HFE: variants seen among roughly 807,000 people sequenced by gnomAD.
The protein encoded by HFE is homeostatic iron regulator, also known as hereditary hemochromatosis protein.
In HFE, 36 loss-of-function variants were observed where a neutral mutation model predicts 40.9. The ratio of observed to expected loss-of-function variants is 0.88; its 90% confidence interval spans 0.67 to 1.16. The LOEUF (loss-of-function observed/expected upper bound fraction) is 1.16, where lower values mean the gene tolerates loss of function less well. Ranked by LOEUF, HFE falls within the 50% of genes most tolerant of loss-of-function variation. HFE has a pLI of 0.00. For synonymous variants in HFE, 157 were observed against 165.4 expected (o/e 0.95, Z 0.39); for missense variants, 376 against 432.0 (o/e 0.87, Z 1.15).
At position 26,093,102 on chromosome 6, in the gene HFE, T is replaced by A; in HGVS notation, c.893-17T>A. The A allele has an allele frequency of 3.7e-6, 6 of 1,613,726 alleles. No individual in the cohort carries two copies. Among genetic ancestry groups the A allele is most frequent in the Non-Finnish European group, 5.1e-6 (6 of 1,179,616 alleles). ...AGGGTGGCAATCAAAGGCTTTAACTTGCTTTTTCTGTTTTAGAGCCCTCAC... is the reference window on the plus strand; with the variant it reads ...AGGGTGGCAATCAAAGGCTTTAACTAGCTTTTTCTGTTTTAGAGCCCTCAC... On this transcript the variant is annotated splice_polypyrimidine_tract_variant and intron_variant, in intron 4 of 5. Coordinates refer to ENST00000357618, the MANE Select transcript of HFE (RefSeq NM_000410.4).
rs928724233 is a variant in HFE, at chr6:26,097,209, C to G, written c.*2983C>G. On this transcript the variant is annotated 3_prime_UTR_variant, in exon 6 of 6. Transcript: ENST00000357618. ...TTTTATTTCACCTGGGCTGAGATTT[C>G]AAGAAACACCCCAGTCTTCACAGTA... 1 of 152,224 alleles carries G rather than the reference C, an allele frequency of 6.6e-6. No individual in the cohort carries two copies. Among genetic ancestry groups the G allele is most frequent in the African/African-American group, 2.4e-5 (1 of 41,438 alleles). 9.4% of individuals were successfully genotyped at this position (152,224 alleles called of 1,614,324 possible).
chr6:26,094,808 C>T lies in HFE; in HGVS notation c.*582C>T, dbSNP rs969144106. The T allele has an allele frequency of 2.6e-5, 6 of 231,808 alleles. No individual in the cohort carries two copies. Among genetic ancestry groups the T allele is most frequent in the East Asian group, 1.0e-4 (1 of 10,010 alleles). 14.4% of individuals were successfully genotyped at this position (231,808 alleles called of 1,614,324 possible). On this transcript the variant is annotated 3_prime_UTR_variant, in exon 6 of 6. Transcript: ENST00000357618. ...ACAGCTATGAAGGCTGTACACTGCA[C>T]GAATGGAAGAGGCACCTGTCCCAGA...
chr6:26,088,552 G>C lies in HFE; in HGVS notation c.76+1036G>C, dbSNP rs540529585. Among the ~76,000 whole-genome samples, 5 of 152,306 alleles carry C rather than the reference G, an allele frequency of 3.3e-5. No homozygotes were observed. In the East Asian group the frequency reaches 7.7e-4, roughly 24 times the overall value. On this transcript the variant is annotated intron_variant, in intron 1 of 5. Coordinates refer to ENST00000357618, the MANE Select transcript of HFE (RefSeq NM_000410.4). ...ACAGTGTTCTGTGGGTCACACGCCG[G>C]CCTCAGCACAGCACTTTGAGTTTTG...
intron 1 of HFE, among the ~76,000 whole-genome samples, chr6:26,089,108 T>G (rs807207): frequency 0.022 from 1,208 of 56,110 alleles, 20 homozygotes; most frequent in African/African-American, 0.051. Flanking sequence ...TGTGTGTGTG[T>G]GGGGGGGGGG....
In HFE at chr6:26,091,572, G is replaced by T; in HGVS notation, c.599G>T (p.Gly200Val). 1 of 1,613,226 alleles carries T rather than the reference G, an allele frequency of 6.2e-7. No homozygotes were observed. The highest frequency in any genetic ancestry group is 8.5e-7 in the Non-Finnish European group (1 of 1,179,876). The change falls in exon 3 of 6, where the codon GGT becomes GTT. Residue 200 changes from glycine (G) to valine (V), a missense_variant. By Grantham distance (109) the Gly-to-Val change is moderately radical. This residue lies in a region of HFE where 173 missense variants were observed against 186.9 expected (regional missense o/e 0.93). Coordinates refer to ENST00000357618, the MANE Select transcript of HFE (RefSeq NM_000410.4). ...CAGCAGTTGCTGGAGCTGGGGAGAG[G>T]TGTTTTGGACCAACAAGGTATGGTG... ...QLQQLLELGR[G>V]VLDQQVPPLV... is the part of the protein sequence containing the mutation.
At position 26,090,941 on chromosome 6, in the gene HFE, G is replaced by T; in HGVS notation, c.177G>T (p.Val59=). 2 of 1,614,166 alleles carry T rather than the reference G, an allele frequency of 1.2e-6. No homozygotes were observed. Among genetic ancestry groups the T allele is most frequent in the Non-Finnish European group, 1.7e-6 (2 of 1,180,030 alleles). Residue 59 remains valine (V), a synonymous_variant, in exon 2 of 6, where the codon GTG becomes GTT. Coordinates refer to ENST00000357618, the MANE Select transcript of HFE (RefSeq NM_000410.4). ...GCTACGTGGATGACCAGCTGTTCGT[G>T]TTCTATGATCATGAGAGTCGCCGTG... ...ALGYVDDQLF[V]FYDHESRRVE...
chr6:26,093,018 C>T, intron 4 of HFE, 58 bp downstream of exon 4: 2 of 1,613,908 alleles, frequency 1.2e-6, no homozygotes, highest in Non-Finnish European at 1.7e-6. Context: ...GAGAGGAGTG[C>T]CTGAGGAGGT....
Position 26,090,883 on chromosome 6 carries a change from A to C in HFE, c.119A>C (p.Gln40Pro). ...TACCTCTTCATGGGTGCCTCAGAGC[A>C]GGACCTTGGTCTTTCCTTGTTTGAA... ...LHYLFMGASE[Q>P]DLGLSLFEAL... The change falls in exon 2 of 6, where the codon CAG becomes CCG. Residue 40 changes from glutamine to proline, a missense_variant. By Grantham distance (76) the Gln-to-Pro change is moderately conservative (BLOSUM62 -1). Around this residue, in one of 3 missense-constraint regions of HFE, gnomAD observed 200 missense variants for 228.5 expected, o/e 0.88. Coordinates refer to ENST00000357618, the MANE Select transcript of HFE (RefSeq NM_000410.4). 6.2e-7 allele frequency: 1 copy of C among 1,614,172 alleles called. No homozygotes were observed. The highest frequency in any genetic ancestry group is 8.5e-7 in the Non-Finnish European group (1 of 1,180,014).
intron 1 of HFE, among the ~76,000 whole-genome samples, chr6:26,088,747 T>C (rs1206231714): frequency 6.6e-6 from 1 of 152,182 alleles, no homozygotes; most frequent in Non-Finnish European, 1.5e-5. Flanking sequence ...ATAATAAAAT[T>C]TCATGTTGAG....
Position 26,095,642 on chromosome 6 carries a change from C to A in HFE, c.*1416C>A, listed in dbSNP as rs1388174135. 1 of 152,132 alleles carries A rather than the reference C, an allele frequency of 6.6e-6. No individual in the cohort carries two copies. Among genetic ancestry groups the A allele is most frequent in the African/African-American group, 2.4e-5 (1 of 41,400 alleles). The allele number at this position is 152,132 out of a possible 1,614,324, so 9.4% of individuals were successfully genotyped here. ...ACCACTACATTCAGTAGTTTAGATGCCTAGAATAAATAGAGAAGGAAGGAG... is the reference window on the plus strand; with the variant it reads ...ACCACTACATTCAGTAGTTTAGATGACTAGAATAAATAGAGAAGGAAGGAG... On this transcript the variant is annotated 3_prime_UTR_variant, in exon 6 of 6. Coordinates refer to ENST00000357618, the MANE Select transcript of HFE (RefSeq NM_000410.4).
intron 5 of HFE, among the ~76,000 whole-genome samples, chr6:26,093,921 C>T (rs1301792787): frequency 2.6e-5 from 4 of 152,114 alleles, no homozygotes; most frequent in African/African-American, 9.7e-5. Context: ...GGGTTATGAT[C>T]ACTGGGGTGT....
rs551331486 is a variant in HFE at position 26,098,207 on chromosome 6, T to C, written c.*3981T>C. On this transcript the variant is annotated 3_prime_UTR_variant, in exon 6 of 6. Transcript: ENST00000357618. ...ATTACTTGATATGCATGCATTCTGG[T>C]ATCTCAAGCATTCTATTTCTGAGTA... The C allele has an allele frequency of 1.7e-4, 26 of 152,240 alleles. No homozygotes were observed. The highest frequency in any genetic ancestry group is 3.5e-4 in the Non-Finnish European group (24 of 68,044). 9.4% of individuals were successfully genotyped at this position (152,240 alleles called of 1,614,324 possible).
intron 1 of HFE, among the ~76,000 whole-genome samples, chr6:26,088,126 T>C (rs1235676981): frequency 6.6e-6 from 1 of 152,196 alleles, no homozygotes; most frequent in Non-Finnish European, 1.5e-5. Context: ...GAGGCCTACC[T>C]CGGGCCTTTC....
chr6:26,096,066 T>G lies in HFE; in HGVS notation c.*1840T>G, dbSNP rs2113774109. On this transcript the variant is annotated 3_prime_UTR_variant, in exon 6 of 6. Transcript: ENST00000357618. ...TTCCATGGAGCCACTGGGGTTCCGG[T>G]GCACATTAAAAAAAAAATCTAACCA... 1 of 156,120 alleles carries G rather than the reference T, an allele frequency of 6.4e-6. No homozygotes were observed. Among genetic ancestry groups the G allele is most frequent in the South Asian group, 1.9e-4 (1 of 5,372 alleles). The allele number at this position is 156,120 out of a possible 1,614,324, so 9.7% of individuals were successfully genotyped here.
In HFE at chr6:26,087,525, G is replaced by C; in HGVS notation, c.76+9G>C. The stretch of plus-strand genomic sequence containing the variant: ...GCAGGGGCGCTTGCTGCGTGAGTCC[G>C]AGGGCTGCGGGCGAACTAGGGGCGC... On this transcript the variant is annotated intron_variant, in intron 1 of 5. Coordinates refer to ENST00000357618, the MANE Select transcript of HFE (RefSeq NM_000410.4). 1 of 1,609,268 alleles carries C rather than the reference G, an allele frequency of 6.2e-7. No homozygotes were observed. The highest frequency in any genetic ancestry group is 2.2e-5 in the East Asian group (1 of 44,716).
chr6:26,090,460 A>AAAAC (rs1762612022), intron 1 of HFE, among the ~76,000 whole-genome samples: 2 of 150,800 alleles, frequency 1.3e-5, no homozygotes, highest in African/African-American at 4.9e-5. Flanking sequence ...AAAAAAAAAA[A>AAAAC]AAAAAAAAAA....
rs1489044950 is a variant in HFE at position 26,094,627 on chromosome 6, C to T, written c.*401C>T. 1.6e-6 allele frequency: 1 copy of T among 607,598 alleles called. No homozygotes were observed. The highest frequency in any genetic ancestry group is 2.9e-5 in the Admixed American group (1 of 34,678). The allele number at this position is 607,598 out of a possible 1,614,324, so 37.6% of individuals were successfully genotyped here. ...CTGAGAAAAGCTTTGAACCCTGGGA[C>T]GTGGCTAGTCATAACCTTACCAGAT... On this transcript the variant is annotated 3_prime_UTR_variant, in exon 6 of 6. Transcript: ENST00000357618.
rs557062229 is a variant in HFE, at chr6:26,092,775, C to G, written c.707C>G (p.Thr236Ser). 1.9e-6 allele frequency: 3 copies of G among 1,614,112 alleles called. No individual in the cohort carries two copies. The East Asian group carries it at 6.7e-5, about 36-fold the overall frequency. The change falls in exon 4 of 6, where the codon ACC becomes AGC. Residue 236 changes from threonine (T) to serine (S), a missense_variant. Physicochemically the swap from Thr to Ser is moderately conservative, Grantham distance 58 (BLOSUM62 1). Coordinates refer to ENST00000357618, the MANE Select transcript of HFE (RefSeq NM_000410.4). ...RALNYYPQNITMKWLKDKQPM... is the reference protein window; with the variant it reads ...RALNYYPQNISMKWLKDKQPM... ...TTGAACTACTACCCCCAGAACATCA[C>G]CATGAAGTGGCTGAAGGATAAGCAG...
At chr6:26,087,619 G>C (rs1420528242) in intron 1 of HFE, 103 bp downstream of exon 1, 4 of 993,474 alleles carry the variant, frequency 4.0e-6, no homozygotes, top group Non-Finnish European at 6.1e-6. Flanking sequence ...TGGAGGACCT[G>C]CTCAACCCTA....
Sources: gnomAD v4.1 joint callset for allele counts (sites outside exome capture counted in the v4.1 genomes callset) on GRCh38, gnomAD v4.1.1 for gene constraint, gnomAD v4.1.1 regional missense constraint, MANE v1.5 for transcripts, NCBI Gene and HGNC (gene_info 2026-07-23, HGNC 2026-07-21) for gene names.